C6orf52: variants seen among roughly 807,000 people sequenced by gnomAD.
C6orf52 encodes the protein chromosome 6 open reading frame 52, also known as putative uncharacterized protein C6orf52.
A neutral mutation model predicts 16.6 loss-of-function variants in C6orf52; 16 were observed. The observed-to-expected ratio is 0.96, with a 90% confidence interval of 0.65 to 1.46. The LOEUF (loss-of-function observed/expected upper bound fraction) is 1.46, where lower values mean the gene tolerates loss of function less well. Ranked by LOEUF, C6orf52 falls within the 40% of genes most tolerant of loss-of-function variation. C6orf52 has a pLI of 0.00. For missense variants in C6orf52, 166 were observed against 182.3 expected, an observed-to-expected ratio of 0.91 and a Z score of 0.52; for synonymous variants, 53 against 61.4, an observed-to-expected ratio of 0.86 and a Z score of 0.64.
chr6:10,679,689 A>T (rs1768206625), intron 4 of C6orf52, among the ~76,000 whole-genome samples: 1 of 152,092 alleles, frequency 6.6e-6, no homozygotes, highest in Non-Finnish European at 1.5e-5. Context: ...TTCCTTTCCA[A>T]CCTAGGAACC....
chr6:10,686,299 A>G lies in C6orf52; in HGVS notation c.270+667T>C, dbSNP rs1269712679. 2.4e-4 allele frequency among the ~76,000 whole-genome samples: 37 copies of G among 152,160 alleles called. 2 individuals carry two copies. The highest frequency in any genetic ancestry group is 2.4e-3 in the Admixed American group (37 of 15,274). On this transcript the variant is annotated intron_variant, in intron 3 of 4. Transcript: ENST00000259983. ...TCGTTCTTGCCCAAATCATCCCCTA[A>G]CCACCAAAACAGAAAGATGAACCAC...
chr6:10,681,932 A>C (rs547397391), intron 4 of C6orf52, among the ~76,000 whole-genome samples: 1 of 152,312 alleles, frequency 6.6e-6, no homozygotes, highest in Non-Finnish European at 1.5e-5. Flanking sequence ...ATGTGCAATA[A>C]GGGAAATAAA....
intron 3 of C6orf52, chr6:10,684,709 G>T: frequency 2.5e-6 from 1 of 399,278 alleles, no homozygotes; most frequent in Non-Finnish European, 4.7e-6. Flanking sequence ...CTTTAACTTG[G>T]GGAGATAAAG....
At chr6:10,675,130 T>C (rs1581532076) in intron 4 of C6orf52, among the ~76,000 whole-genome samples, 1 of 152,158 alleles carries the variant, frequency 6.6e-6, no homozygotes, top group East Asian at 1.9e-4. Flanking sequence ...TCTTGAACGG[T>C]ATTCCTCCTA....
chr6:10,671,840 A>C (rs933956191), intron 4 of C6orf52, among the ~76,000 whole-genome samples: 5 of 152,174 alleles, frequency 3.3e-5, no homozygotes, highest in African/African-American at 4.8e-5. Flanking sequence ...GGAGGAAAAA[A>C]ATGGACAGAT....
intron 1 of C6orf52, among the ~76,000 whole-genome samples, chr6:10,692,714 G>A (rs1769445642): frequency 6.6e-6 from 1 of 152,038 alleles, no homozygotes; most frequent in Non-Finnish European, 1.5e-5. Flanking sequence ...GAGCCACTGC[G>A]TCTGGCCATT....
intron 1 of C6orf52, among the ~76,000 whole-genome samples, chr6:10,689,460 C>A (rs1017031372): frequency 2.6e-5 from 4 of 152,172 alleles, no homozygotes; most frequent in African/African-American, 9.7e-5. Flanking sequence ...TTGTTAAGTG[C>A]CACCCAATAT....
chr6:10,675,949 T>G (rs1458817713), intron 4 of C6orf52, among the ~76,000 whole-genome samples: 4 of 149,138 alleles, frequency 2.7e-5, no homozygotes, highest in Non-Finnish European at 5.9e-5. Context: ...CTGGCCAACA[T>G]GGTGAAACCC....
chr6:10,676,742 C>T (rs1165597538), intron 4 of C6orf52, among the ~76,000 whole-genome samples: 1 of 152,240 alleles, frequency 6.6e-6, no homozygotes, highest in Non-Finnish European at 1.5e-5. Flanking sequence ...CTGCTGTCTG[C>T]TACAGGCCTA....
intron 1 of C6orf52, among the ~76,000 whole-genome samples, chr6:10,690,444 C>T (rs905526484): frequency 2.6e-5 from 4 of 152,126 alleles, no homozygotes; most frequent in African/African-American, 9.7e-5. Context: ...CGTGCAACCT[C>T]CATAGTCCTT....
At chr6:10,684,995 C>CTGAG (rs1435913733) in intron 3 of C6orf52, 28 of 846,550 alleles carry the variant, frequency 3.3e-5, no homozygotes, top group South Asian at 1.2e-4. Context: ...ATAATTCGGC[C>CTGAG]TGAGGGTGAG....
intron 1 of C6orf52, among the ~76,000 whole-genome samples, chr6:10,690,759 A>G (rs1309167274): frequency 6.6e-6 from 1 of 152,244 alleles, no homozygotes; most frequent in East Asian, 1.9e-4. Context: ...CTCGTGCTTT[A>G]GTGTTTAATG....
At chr6:10,674,529 A>G (rs1362429330) in intron 4 of C6orf52, 1 of 152,152 alleles carries the variant, frequency 6.6e-6, no homozygotes, top group African/African-American at 2.4e-5. Context: ...TGTTTTAAGT[A>G]TATATTCATT....
chr6:10,680,905 A>G lies in C6orf52; in HGVS notation c.316+2282T>C, dbSNP rs549318722. Among the ~76,000 whole-genome samples the G allele has an allele frequency of 1.4e-4, 21 of 152,188 alleles. No individual in the cohort carries two copies. In the East Asian group the frequency reaches 3.9e-3, roughly 28 times the overall value. On this transcript the variant is annotated intron_variant, in intron 4 of 4. Coordinates refer to ENST00000259983, the MANE Select transcript of C6orf52 (RefSeq NM_001145020.3). ...AGCCTCAGTCTTTTGGGCACAAGCAATCCTCCTATCTCAGCCTCTCAAATA... is the reference window on the plus strand; with the variant it reads ...AGCCTCAGTCTTTTGGGCACAAGCAGTCCTCCTATCTCAGCCTCTCAAATA...
chr6:10,693,878 G>A (rs771753436), intron 1 of C6orf52, among the ~76,000 whole-genome samples: 3 of 152,140 alleles, frequency 2.0e-5, no homozygotes, highest in Non-Finnish European at 4.4e-5. Flanking sequence ...ACAGGCGGGC[G>A]TCGCCATGCT....
At chr6:10,679,175 C>T (rs1391441219) in intron 4 of C6orf52, among the ~76,000 whole-genome samples, 1 of 151,890 alleles carries the variant, frequency 6.6e-6, no homozygotes. Context: ...CACGGTGGCT[C>T]ATGCCTGCAA....
At chr6:10,694,035 GGATCACCTGC>G (rs1581573919) in intron 1 of C6orf52, among the ~76,000 whole-genome samples, 1 of 152,144 alleles carries the variant, frequency 6.6e-6, no homozygotes, top group African/African-American at 2.4e-5. Context: ...CGAGGCAAGC[GGATCACCTGC>G]GGTCGGGAGT....
chr6:10,692,163 TTTAA>T (rs1322395841), intron 1 of C6orf52, among the ~76,000 whole-genome samples: 1 of 152,212 alleles, frequency 6.6e-6, no homozygotes, highest in African/African-American at 2.4e-5. Flanking sequence ...TTTAGCGGTT[TTTAA>T]TTTGTGGATG....
chr6:10,690,437 G>A lies in C6orf52; in HGVS notation c.-11-2876C>T, dbSNP rs531755006. 1.6e-4 allele frequency among the ~76,000 whole-genome samples: 24 copies of A among 152,232 alleles called. No individual in the cohort carries two copies. In the South Asian group the frequency reaches 4.8e-3, roughly 30 times the overall value. On this transcript the variant is annotated intron_variant, in intron 1 of 4. Transcript: ENST00000259983. ...AAAACCCCCAGGAATACATTCACGT[G>A]CAACCTCCATAGTCCTTGAATTTAA...
Sources: gnomAD v4.1 joint callset for allele counts (sites outside exome capture counted in the v4.1 genomes callset) on GRCh38, gnomAD v4.1.1 for gene constraint, MANE v1.5 for transcripts, NCBI Gene and HGNC (gene_info 2026-07-23, HGNC 2026-07-21) for gene names.